Variants in SYNE2 observed in about 807,000 individuals in gnomAD.
SYNE2 encodes the protein spectrin repeat containing nuclear envelope protein 2, also known as nesprin-2.
Under a neutral mutation model 856.3 loss-of-function variants are expected in SYNE2, and 431 were observed. The ratio of observed to expected loss-of-function variants is 0.50; its 90% confidence interval spans 0.47 to 0.55. The LOEUF is 0.55. Among genes scored for constraint, SYNE2 ranks in the 20% least tolerant of loss-of-function variants. The probability of loss-of-function intolerance (pLI) is 0.00; values close to 1 mark genes in which losing one functional copy is unlikely to be tolerated. For missense variants in SYNE2, 8,129 were observed against 8,023.2 expected (o/e 1.01, Z -0.50); for synonymous variants, 2,923 against 2,872.3 (o/e 1.02, Z -0.56).
chr14:64,220,559 G>A lies in SYNE2; in HGVS notation c.19983G>A (p.Leu6661=). The A allele has an allele frequency of 6.8e-6, 11 of 1,614,162 alleles. No homozygotes were observed. The highest frequency in any genetic ancestry group is 9.3e-6 in the Non-Finnish European group (11 of 1,180,020). The change falls in exon 111 of 116, where the codon CTG becomes CTA. Residue 6661 remains leucine, a synonymous_variant. Coordinates refer to ENST00000555002, the MANE Select transcript of SYNE2 (RefSeq NM_182914.3). ...STELQSRLRQ[L]SLLWEAAQGA... ...AGCTCCAAAGTAGACTCCGCCAGCT[G>A]AGCCTGCTCTGGGAAGCAGCACAGG...
chr14:63,951,761 A>G (rs946782820), intron 7 of SYNE2, among the ~76,000 whole-genome samples: 1 of 152,250 alleles, frequency 6.6e-6, no homozygotes, highest in Non-Finnish European at 1.5e-5. Context: ...TAAAAATCCC[A>G]AACAGTATTT....
At chr14:64,068,132 G>A (rs1266925) in intron 51 of SYNE2, among the ~76,000 whole-genome samples, 118,259 of 152,148 alleles carry the variant, frequency 0.78, 47,021 homozygotes, top group Non-Finnish European at 0.87. Context: ...AGGCTTTTTG[G>A]CAACTATTTT....
intron 71 of SYNE2, 85 bp from the exon 72 acceptor site, chr14:64,126,242 A>C: frequency 8.2e-7 from 1 of 1,219,710 alleles, no homozygotes. Flanking sequence ...CATAAATCAT[A>C]AACTATAATG....
At position 64,188,628 on chromosome 14, in the gene SYNE2, G is replaced by A. The variant is rs945430507; in HGVS notation, c.17791G>A (p.Ala5931Thr). 8.7e-6 allele frequency: 14 copies of A among 1,614,100 alleles called. No individual in the cohort carries two copies. In the African/African-American group the frequency reaches 1.9e-4, roughly 22 times the overall value. Residue 5931 changes from alanine to threonine, a missense_variant, in exon 98 of 116, where the codon GCC becomes ACC. Physicochemically the swap from Ala to Thr is moderately conservative, Grantham distance 58. Around this residue, in one of 3 missense-constraint regions of SYNE2, gnomAD observed 5,410 missense variants for 5,284.8 expected, o/e 1.02. Coordinates refer to ENST00000555002, the MANE Select transcript of SYNE2 (RefSeq NM_182914.3). ...VFNEKNKELC[A>T]WLVQMENKVL... The stretch of plus-strand genomic sequence containing the variant: ...CAATGAAAAAAATAAAGAGTTGTGT[G>A]CCTGGCTGGTGCAGATGGAAAACAA...
chr14:64,121,240 G>T (rs1303211730), intron 68 of SYNE2, among the ~76,000 whole-genome samples, 179 bp downstream of exon 68: 1 of 152,038 alleles, frequency 6.6e-6, no homozygotes, highest in African/African-American at 2.4e-5. Context: ...CAAAAAAAAG[G>T]CCAGGCACAG....
At position 64,007,215 on chromosome 14, in the gene SYNE2, A is replaced by G; in HGVS notation, c.4570A>G (p.Thr1524Ala). 1 of 1,613,988 alleles carries G rather than the reference A, an allele frequency of 6.2e-7. No homozygotes were observed. The highest frequency in any genetic ancestry group is 8.5e-7 in the Non-Finnish European group (1 of 1,179,842). Reference sequence around the variant, plus strand: ...GTGGGAGAATACCAAAGCCTTGGTCACCGAATGGTAAGGAAAAAAAAGAAT... The same window carrying G: ...GTGGGAGAATACCAAAGCCTTGGTCGCCGAATGGTAAGGAAAAAAAAGAAT... ...VLWENTKALV[T>A]ECLEQCGRVL... is the part of the protein sequence containing the mutation. Residue 1524 changes from threonine (T) to alanine (A), a missense_variant, in exon 31 of 116, where the codon ACC becomes GCC. By Grantham distance (58) the Thr-to-Ala change is moderately conservative. Transcript: ENST00000555002.
At chr14:64,224,892 C>T in intron 114 of SYNE2, 107 bp from the exon 115 acceptor site, 1 of 1,076,422 alleles carries the variant, frequency 9.3e-7, no homozygotes, top group Middle Eastern at 2.3e-4. Context: ...TTGGCTGTAA[C>T]ACAACATAAA....
intron 107 of SYNE2, chr14:64,215,739 G>T: frequency 2.5e-6 from 1 of 402,656 alleles, no homozygotes; most frequent in Non-Finnish European, 4.5e-6. Context: ...AAGGGGTGGG[G>T]GGTTGGGGCG....
At chr14:63,979,310 C>A (rs139946028) in intron 14 of SYNE2, among the ~76,000 whole-genome samples, 3 of 152,102 alleles carry the variant, frequency 2.0e-5, no homozygotes, top group Non-Finnish European at 4.4e-5. Flanking sequence ...TTAAAAATTC[C>A]GCTTTCACTT....
chr14:64,053,501 G>C lies in SYNE2; in HGVS notation c.9588G>C (p.Gln3196His). Residue 3196 changes from glutamine (Q) to histidine (H), a missense_variant, in exon 48 of 116, where the codon CAG (glutamine) becomes CAC (histidine). Gln to His is a conservative substitution (Grantham distance 24). Coordinates refer to ENST00000555002, the MANE Select transcript of SYNE2 (RefSeq NM_182914.3). ...AAAAGGACAATTGTGAAGCATTTCA[G>C]GAGCAAGTTTGGGCAGAAATGTGTA... Reference protein sequence around the residue: ...QNEKDNCEAFQEQVWAEMCSI... With the variant: ...QNEKDNCEAFHEQVWAEMCSI... The C allele has an allele frequency of 6.8e-6, 11 of 1,614,196 alleles. No homozygotes were observed. Among genetic ancestry groups the C allele is most frequent in the Non-Finnish European group, 6.8e-6 (8 of 1,180,030 alleles).
chr14:63,814,711 C>CATATATATCCATATATATATCCAT (rs1334693258), intron 1 of SYNE2, among the ~76,000 whole-genome samples: 6 of 103,024 alleles, frequency 5.8e-5, no homozygotes, highest in Non-Finnish European at 5.7e-5. Context: ...CATATATATC[C>CATATATATCCATATATATATCCAT]ATATATATCC....
intron 96 of SYNE2, among the ~76,000 whole-genome samples, chr14:64,184,928 ATT>A (rs1417507590): frequency 2.0e-5 from 3 of 152,228 alleles, no homozygotes; most frequent in African/African-American, 7.2e-5. Context: ...GAATTAACAT[ATT>A]GTTAGGGCCT....
chr14:64,014,637 C>T (rs1265473746), intron 32 of SYNE2, among the ~76,000 whole-genome samples: 1 of 152,024 alleles, frequency 6.6e-6, no homozygotes, highest in Admixed American at 6.6e-5. Flanking sequence ...CCATATTGGT[C>T]AGGCTGGTCT....
At chr14:64,171,651 T>C (rs996579308) in intron 94 of SYNE2, among the ~76,000 whole-genome samples, 1 of 151,922 alleles carries the variant, frequency 6.6e-6, no homozygotes, top group African/African-American at 2.4e-5. Context: ...GAGAACAAGC[T>C]CAGCACAGAG....
chr14:63,846,653 C>T (rs1890237053), intron 1 of SYNE2, among the ~76,000 whole-genome samples: 1 of 151,464 alleles, frequency 6.6e-6, no homozygotes, highest in Admixed American at 6.6e-5. Context: ...TGGAGTGTAG[C>T]GGCACAATCT....
intron 1 of SYNE2, among the ~76,000 whole-genome samples, chr14:63,896,797 A>G (rs2153301464): frequency 6.6e-6 from 1 of 152,324 alleles, no homozygotes; most frequent in South Asian, 2.1e-4. Flanking sequence ...ACTATTTTAA[A>G]CATTGATAAT....
intron 16 of SYNE2, among the ~76,000 whole-genome samples, chr14:63,981,384 G>A (rs2096584602): frequency 6.6e-6 from 1 of 151,936 alleles, no homozygotes. Context: ...GGTCAAACAC[G>A]CACATACACG....
chr14:64,002,816 C>G lies in SYNE2; in HGVS notation c.3883C>G (p.His1295Asp). ...AAAGGAGTTACACCCATTTGATCTACACGCAATGCAGAATATTATACTGAA... is the reference window on the plus strand; with the variant it reads ...AAAGGAGTTACACCCATTTGATCTAGACGCAATGCAGAATATTATACTGAA... ...VLKELHPFDL[H>D]AMQNIILKYK... Residue 1295 changes from histidine to aspartate, a missense_variant, in exon 30 of 116, where the codon CAC becomes GAC. Transcript: ENST00000555002. The G allele has an allele frequency of 6.2e-7, 1 of 1,614,124 alleles. No homozygotes were observed. Among genetic ancestry groups the G allele is most frequent in the East Asian group, 2.2e-5 (1 of 44,880 alleles).
intron 68 of SYNE2, 71 bp from the exon 69 acceptor site, chr14:64,121,941 G>A (rs1016986945): frequency 6.3e-7 from 1 of 1,595,108 alleles, no homozygotes; most frequent in Non-Finnish European, 8.6e-7. Flanking sequence ...ATTTATCTCA[G>A]CAGAGGAAAC....
Sources: gnomAD v4.1 joint callset for allele counts (sites outside exome capture counted in the v4.1 genomes callset) on GRCh38, gnomAD v4.1.1 for gene constraint, gnomAD v4.1.1 regional missense constraint, MANE v1.5 for transcripts, NCBI Gene and HGNC (gene_info 2026-07-23, HGNC 2026-07-21) for gene names.